Variants in ITGAE observed in about 807,000 individuals in gnomAD.
ITGAE encodes integrin alpha-E.
Under a neutral mutation model 136.5 loss-of-function variants are expected in ITGAE, and 99 were observed. The observed-to-expected ratio is 0.73, with a 90% CI of 0.62 to 0.86. The LOEUF is 0.86. ITGAE is among the 40% of genes least tolerant of loss of function. The pLI is 0.00. For synonymous variants in ITGAE, 613 were observed against 591.8 expected (o/e 1.04, Z -0.52); for missense variants, 1,447 against 1,515.3 (o/e 0.95, Z 0.75).
At chr17:3,782,568 G>A (rs980388006) in intron 1 of ITGAE, among the ~76,000 whole-genome samples, 4 of 151,840 alleles carry the variant, frequency 2.6e-5, no homozygotes, top group East Asian at 1.9e-4. Context: ...GGTTTTCACC[G>A]TGTTGGCCAG....
chr17:3,755,108 C>CGCCCTCATCAGGTGGCCCT lies in ITGAE; in HGVS notation c.1384+8_1384+9insAGGGCCACCTGATGAGGGC. 6.3e-7 allele frequency: 1 copy of CGCCCTCATCAGGTGGCCCT among 1,583,676 alleles called. No homozygotes were observed. On this transcript the variant is annotated intron_variant, in intron 12 of 30. Transcript: ENST00000263087. Reference sequence around the variant, plus strand: ...TGGCCCCGCCCTCATCAGGTGGCCCCGCCCTCACCCAGGTAGCTGTACTGC... The same window carrying CGCCCTCATCAGGTGGCCCT: ...TGGCCCCGCCCTCATCAGGTGGCCCCGCCCTCATCAGGTGGCCCTGCCCTCACCCAGGTAGCTGTACTGC...
At chr17:3,766,568 G>A (rs1258691893) in intron 2 of ITGAE, among the ~76,000 whole-genome samples, 5 of 152,102 alleles carry the variant, frequency 3.3e-5, no homozygotes, top group Admixed American at 2.0e-4. Flanking sequence ...TTGGGAGGCC[G>A]AGGCAGGCGG....
At chr17:3,723,997 G>A (rs371387394) in intron 26 of ITGAE, 1 of 1,594,890 alleles carries the variant, frequency 6.3e-7, no homozygotes, top group Non-Finnish European at 8.5e-7. Flanking sequence ...GCTGCGGACG[G>A]CAGGAGACAG....
intron 1 of ITGAE, among the ~76,000 whole-genome samples, chr17:3,795,898 C>A (rs2053060944): frequency 7.9e-6 from 1 of 126,800 alleles, no homozygotes; most frequent in Non-Finnish European, 1.6e-5. Flanking sequence ...CGTGTGTGTG[C>A]ATCTGTGTAT....
intron 2 of ITGAE, among the ~76,000 whole-genome samples, chr17:3,770,723 G>A (rs1282785772): frequency 1.3e-5 from 2 of 152,156 alleles, no homozygotes; most frequent in African/African-American, 4.8e-5. Flanking sequence ...TCAAGCCTGG[G>A]AGCCCCTCTC....
intron 7 of ITGAE, among the ~76,000 whole-genome samples, chr17:3,759,821 G>T (rs1339879784): frequency 6.6e-6 from 1 of 152,186 alleles, no homozygotes; most frequent in Non-Finnish European, 1.5e-5. Flanking sequence ...ACTGGCTTTG[G>T]CCAATAAGAC....
intron 2 of ITGAE, among the ~76,000 whole-genome samples, chr17:3,776,329 A>G (rs2052539238): frequency 6.6e-6 from 1 of 151,944 alleles, no homozygotes; most frequent in African/African-American, 2.4e-5. Flanking sequence ...AAGTGCTGGG[A>G]TTACAGGCGT....
chr17:3,793,361 CATTTT>C (rs1301932402), intron 1 of ITGAE, among the ~76,000 whole-genome samples: 1 of 150,038 alleles, frequency 6.7e-6, no homozygotes, highest in Non-Finnish European at 1.5e-5. Flanking sequence ...TTTTTTTCTT[CATTTT>C]GAGTTGGAGT....
Position 3,714,631 on chromosome 17 carries a change from A to G in ITGAE, c.*216T>C. ...ATTTCCAGATTAAAGGCACTACTGC[A>G]AAGAAAAGTGTAAATTTATTTAATA... is the stretch of plus-strand genomic sequence containing the variant. On this transcript the variant is annotated 3_prime_UTR_variant, in exon 31 of 31. Transcript: ENST00000263087. 2.3e-6 allele frequency: 1 copy of G among 436,098 alleles called. No individual in the cohort carries two copies. The highest frequency in any genetic ancestry group is 4.0e-6 in the Non-Finnish European group (1 of 248,492). The allele number at this position is 436,098 out of a possible 1,614,324, so 27.0% of individuals were successfully genotyped here.
At position 3,789,702 on chromosome 17, in the gene ITGAE, T is replaced by C. The variant is rs61361977; in HGVS notation, c.34+11409A>G. On this transcript the variant is annotated intron_variant, in intron 1 of 30. Coordinates refer to ENST00000263087, the MANE Select transcript of ITGAE (RefSeq NM_002208.5). ...TTTTTGTAGAGATGGAGTTTCACTC[T>C]GTTGGCCAGGCTGGTCTTGAACTCC... Among the ~76,000 whole-genome samples the C allele has an allele frequency of 3.2e-4, 48 of 152,228 alleles. No homozygotes were observed. The East Asian group carries it at 9.3e-3, about 29-fold the overall frequency.
chr17:3,797,205 G>T (rs1203724428), intron 1 of ITGAE, among the ~76,000 whole-genome samples: 1 of 128,892 alleles, frequency 7.8e-6, no homozygotes, highest in African/African-American at 2.9e-5. Flanking sequence ...TCGCTCTGTC[G>T]CCCAGGCTGG....
intron 14 of ITGAE, 35 bp downstream of exon 14, chr17:3,753,255 C>G: frequency 6.2e-7 from 1 of 1,601,504 alleles, no homozygotes; most frequent in Non-Finnish European, 8.5e-7. Flanking sequence ...AGTGCCACAG[C>G]CTCAGCAAGC....
intron 27 of ITGAE, 31 bp from the exon 28 acceptor site, chr17:3,723,414 C>A: frequency 1.4e-6 from 2 of 1,473,000 alleles, no homozygotes; most frequent in South Asian, 1.1e-5. Flanking sequence ...GAACACAATT[C>A]CTTTCCGTGC....
chr17:3,791,016 G>A (rs959787586), intron 1 of ITGAE, among the ~76,000 whole-genome samples: 4 of 151,804 alleles, frequency 2.6e-5, no homozygotes, highest in South Asian at 2.1e-4. Context: ...TTAGCCAGGC[G>A]TGGTGGTGGG....
chr17:3,785,885 G>A (rs1161441968), intron 1 of ITGAE, among the ~76,000 whole-genome samples: 1 of 151,500 alleles, frequency 6.6e-6, no homozygotes, highest in Non-Finnish European at 1.5e-5. Context: ...AAAAATAGAG[G>A]GGCCAGGCGA....
At chr17:3,743,418 G>A in intron 19 of ITGAE, 71 bp downstream of exon 19, 1 of 1,484,090 alleles carries the variant, frequency 6.7e-7, no homozygotes, top group Non-Finnish European at 9.0e-7. Flanking sequence ...ATTCTTGGAA[G>A]TTAGGGGAGC....
intron 19 of ITGAE, among the ~76,000 whole-genome samples, chr17:3,741,987 G>T (rs2051599512): frequency 6.6e-6 from 1 of 152,196 alleles, no homozygotes. Context: ...TGAGGCAGGA[G>T]AATTGCTTGA....
chr17:3,724,473 C>G lies in ITGAE; in HGVS notation c.3085-729G>C, dbSNP rs1321595963. On this transcript the variant is annotated intron_variant, in intron 26 of 30. Coordinates refer to ENST00000263087, the MANE Select transcript of ITGAE (RefSeq NM_002208.5). The stretch of plus-strand genomic sequence containing the variant: ...TCTGGCCTCGCCCTGCCCCGGGTCC[C>G]CAACGCCAAGGGACAGTGTCATCTC... 3 of 1,613,902 alleles carry G rather than the reference C, an allele frequency of 1.9e-6. No individual in the cohort carries two copies. The South Asian group carries it at 3.3e-5, about 18-fold the overall frequency.
At chr17:3,760,940 T>C (rs1450685423) in intron 6 of ITGAE, 73 bp downstream of exon 6, 21 of 1,532,994 alleles carry the variant, frequency 1.4e-5, no homozygotes, top group Middle Eastern at 2.4e-4. Flanking sequence ...GAGGCACCCC[T>C]CACCCTTGGA....
Sources: gnomAD v4.1 joint callset for allele counts (sites outside exome capture counted in the v4.1 genomes callset) on GRCh38, gnomAD v4.1.1 for gene constraint, MANE v1.5 for transcripts, NCBI Gene and HGNC (gene_info 2026-07-23, HGNC 2026-07-21) for gene names.